The following ROBO2 variants were observed in gnomAD, a reference collection of about 807,000 sequenced individuals.
ROBO2 encodes the protein roundabout homolog 2.
A neutral mutation model predicts 160.8 loss-of-function variants in ROBO2; 53 were observed. The ratio of observed to expected loss-of-function variants is 0.33; its 90% CI spans 0.26 to 0.41. ROBO2 has a LOEUF of 0.41. Among genes scored for constraint, ROBO2 ranks in the 10% least tolerant of loss-of-function variants. The probability of loss-of-function intolerance (pLI) is 1.00; values close to 1 mark genes in which losing one functional copy is unlikely to be tolerated. For missense variants in ROBO2, 1,577 were observed against 1,722.4 expected (o/e 0.92, Z 1.49); for synonymous variants, 664 against 611.7 (o/e 1.09, Z -1.26).
chr3:76,740,472 T>C (rs774974941), intron 2 of ROBO2, among the ~76,000 whole-genome samples: 3 of 152,174 alleles, frequency 2.0e-5, no homozygotes, highest in Non-Finnish European at 4.4e-5. Context: ...GAGGAAATGT[T>C]CACTTTGACC....
chr3:76,897,193 C>G (rs1327050991), intron 2 of ROBO2, among the ~76,000 whole-genome samples: 1 of 152,038 alleles, frequency 6.6e-6, no homozygotes, highest in African/African-American at 2.4e-5. Context: ...GTAGTTGAAA[C>G]AGGATTGAAA....
chr3:77,625,744 A>G (rs970384675), intron 23 of ROBO2, among the ~76,000 whole-genome samples: 41 of 152,222 alleles, frequency 2.7e-4, no homozygotes, highest in Admixed American at 1.6e-3. Flanking sequence ...ATGGTTTTTC[A>G]CATTTTTGAA....
chr3:76,238,023 T>C (rs1705051975), intron 2 of ROBO2, among the ~76,000 whole-genome samples: 1 of 152,168 alleles, frequency 6.6e-6, no homozygotes, highest in African/African-American at 2.4e-5. Context: ...ATTCTTTTAC[T>C]CTAAAATGCC....
chr3:76,557,175 T>C (rs544731336), intron 2 of ROBO2, among the ~76,000 whole-genome samples: 51 of 152,224 alleles, frequency 3.4e-4, no homozygotes, highest in African/African-American at 1.1e-3. Context: ...CTCTATAAGA[T>C]GTTGCTATTA....
chr3:76,406,455 A>G (rs11717693), intron 2 of ROBO2, among the ~76,000 whole-genome samples: 33,224 of 151,654 alleles, frequency 0.22, 4,592 homozygotes, highest in African/African-American at 0.39. Context: ...AGCAGTGATT[A>G]TTTCATATTC....
chr3:76,062,268 TAATC>T (rs2068093450), intron 2 of ROBO2, among the ~76,000 whole-genome samples: 1 of 152,074 alleles, frequency 6.6e-6, no homozygotes, highest in Non-Finnish European at 1.5e-5. Context: ...ATTAATAAGA[TAATC>T]AAAACAGCAC....
chr3:76,414,654 A>G (rs1185251588), intron 2 of ROBO2, among the ~76,000 whole-genome samples: 1 of 149,730 alleles, frequency 6.7e-6, no homozygotes, highest in African/African-American at 2.5e-5. Flanking sequence ...ATTGGGAGAT[A>G]TACCTAATGC....
At chr3:77,616,102 G>A (rs1031032592) in intron 21 of ROBO2, among the ~76,000 whole-genome samples, 1 of 152,136 alleles carries the variant, frequency 6.6e-6, no homozygotes, top group Non-Finnish European at 1.5e-5. Context: ...ATAATATGAG[G>A]AGTACCACAA....
At chr3:76,439,141 C>A (rs1215186270) in intron 2 of ROBO2, among the ~76,000 whole-genome samples, 1 of 152,070 alleles carries the variant, frequency 6.6e-6, no homozygotes, top group African/African-American at 2.4e-5. Flanking sequence ...TATCCACTTA[C>A]TCATCTAGTA....
At chr3:76,262,725 C>G (rs569604716) in intron 2 of ROBO2, among the ~76,000 whole-genome samples, 1 of 152,026 alleles carries the variant, frequency 6.6e-6, no homozygotes, top group East Asian at 1.9e-4. Flanking sequence ...GCTCTAAAAA[C>G]GTATTACAAA....
intron 2 of ROBO2, among the ~76,000 whole-genome samples, chr3:77,383,619 T>C (rs1485783439): frequency 1.3e-5 from 2 of 152,084 alleles, no homozygotes; most frequent in Non-Finnish European, 1.5e-5. Flanking sequence ...AATTTAACTA[T>C]TTTTTGGTTT....
At chr3:77,546,246 G>C in intron 6 of ROBO2, 92 bp from the exon 8 acceptor site, 1 of 1,377,016 alleles carries the variant, frequency 7.3e-7, no homozygotes, top group Admixed American at 1.7e-5. Context: ...CTCTGGCACT[G>C]AACAGTCAAC....
At chr3:76,108,761 T>C (rs1187643234) in intron 2 of ROBO2, among the ~76,000 whole-genome samples, 4 of 151,390 alleles carry the variant, frequency 2.6e-5, no homozygotes, top group Non-Finnish European at 4.4e-5. Flanking sequence ...TGATAGAATT[T>C]AACTTAATTA....
At chr3:76,340,207 C>T (rs1262978479) in intron 2 of ROBO2, among the ~76,000 whole-genome samples, 1 of 151,932 alleles carries the variant, frequency 6.6e-6, no homozygotes, top group Non-Finnish European at 1.5e-5. Flanking sequence ...TTGAAAAATA[C>T]AAAGATGAGT....
intron 2 of ROBO2, among the ~76,000 whole-genome samples, chr3:77,006,417 A>G (rs950986064): frequency 9.9e-5 from 15 of 151,912 alleles, no homozygotes; most frequent in African/African-American, 3.6e-4. Flanking sequence ...AAACTAAAGG[A>G]AAGATAATAG....
chr3:77,085,067 G>A (rs1209726243), intron 1 of ROBO2, among the ~76,000 whole-genome samples: 6 of 151,998 alleles, frequency 3.9e-5, no homozygotes, highest in South Asian at 4.2e-4. Flanking sequence ...CAAATGAAGA[G>A]AAAGTAGATC....
chr3:77,540,359 C>G (rs148378721), intron 6 of ROBO2, among the ~76,000 whole-genome samples: 19 of 152,264 alleles, frequency 1.2e-4, no homozygotes, highest in African/African-American at 4.3e-4. Context: ...TTAATCAGAT[C>G]TTGGTTCGAA....
chr3:76,939,979 A>ATGTTTTTTTTTT (rs2078050316), intron 2 of ROBO2, among the ~76,000 whole-genome samples: 1 of 120,552 alleles, frequency 8.3e-6, no homozygotes, highest in African/African-American at 3.5e-5. Flanking sequence ...AAGCAACAGG[A>ATGTTTTTTTTTT]TTTTTTTTTT....
At chr3:77,310,325 T>A (rs1438035198) in intron 2 of ROBO2, among the ~76,000 whole-genome samples, 1 of 152,186 alleles carries the variant, frequency 6.6e-6, no homozygotes, top group Non-Finnish European at 1.5e-5. Flanking sequence ...TCAAATTGAA[T>A]GTTGCAGCCA....
Sources: allele counts gnomAD v4.1 joint callset (sites outside exome capture counted in the v4.1 genomes callset), GRCh38; gene constraint gnomAD v4.1.1; transcripts MANE v1.5; gene names NCBI Gene and HGNC (gene_info 2026-07-23, HGNC 2026-07-21).